The following CTSS variants were observed in gnomAD, a reference collection of about 807,000 sequenced individuals.
CTSS encodes cathepsin S.
In CTSS, 15 loss-of-function variants were observed where a neutral mutation model predicts 39.9. The observed-to-expected ratio is 0.38, with a 90% CI of 0.25 to 0.58. CTSS has a LOEUF of 0.58. Among genes scored for constraint, CTSS ranks in the 20% least tolerant of loss-of-function variants. The probability of loss-of-function intolerance (pLI) is 0.70; values close to 1 mark genes in which losing one functional copy is unlikely to be tolerated. For synonymous variants in CTSS, 126 were observed against 138.2 expected (o/e 0.91, Z 0.62); for missense variants, 250 against 398.2 (o/e 0.63, Z 3.17).
At chr1:150,738,977 C>A (rs1332849094) in intron 7 of CTSS, among the ~76,000 whole-genome samples, 1 of 151,792 alleles carries the variant, frequency 6.6e-6, no homozygotes, top group Non-Finnish European at 1.5e-5. Context: ...GGTGGATCAC[C>A]TGAGGACAAG....
At chr1:150,762,093 G>C (rs1297948629) in intron 2 of CTSS, among the ~76,000 whole-genome samples, 1 of 152,106 alleles carries the variant, frequency 6.6e-6, no homozygotes, top group East Asian at 1.9e-4. Context: ...TTTACCAATG[G>C]AATAGGATAT....
At position 150,751,832 on chromosome 1, in the gene CTSS, G is replaced by C. The variant is rs369060138; in HGVS notation, c.576C>G (p.Ile192Met). ...CTGAGTCGATGCCCTTGTTATCAAT[G>C]ATGTACTGGAAAGCCGTTGTCATGA... ...GGFMTTAFQY[I>M]IDNKGIDSDA... Residue 192 changes from isoleucine to methionine, a missense_variant, in exon 5 of 8, where the codon ATC becomes ATG. Ile to Met is a conservative substitution (Grantham distance 10). Coordinates refer to ENST00000368985, the MANE Select transcript of CTSS (RefSeq NM_004079.5). The C allele has an allele frequency of 3.7e-6, 6 of 1,614,050 alleles. No homozygotes were observed. The highest frequency in any genetic ancestry group is 2.7e-5 in the African/African-American group (2 of 74,918).
chr1:150,733,306 A>G (rs2101907371), intron 7 of CTSS, among the ~76,000 whole-genome samples, 161 bp from the exon 8 acceptor site: 1 of 152,360 alleles, frequency 6.6e-6, no homozygotes, highest in East Asian at 1.9e-4. Flanking sequence ...GATTTCAGGT[A>G]ACTCAAAATA....
chr1:150,763,647 T>C (rs1653307999), intron 2 of CTSS, among the ~76,000 whole-genome samples: 1 of 152,104 alleles, frequency 6.6e-6, no homozygotes, highest in African/African-American at 2.4e-5. Flanking sequence ...CAAAATAATA[T>C]GTCAAATAAA....
At chr1:150,734,691 G>A (rs888953543) in intron 7 of CTSS, among the ~76,000 whole-genome samples, 2 of 151,992 alleles carry the variant, frequency 1.3e-5, no homozygotes, top group South Asian at 2.1e-4. Flanking sequence ...TCACCATTAT[G>A]TTGTAAAAGA....
chr1:150,748,643 A>G (rs1652943057), intron 6 of CTSS, among the ~76,000 whole-genome samples: 1 of 150,214 alleles, frequency 6.7e-6, no homozygotes, highest in East Asian at 2.0e-4. Context: ...TACAGGTGGT[A>G]TGATCATAGC....
chr1:150,754,762 C>T lies in CTSS; in HGVS notation c.399+239G>A, dbSNP rs587748532. 5.9e-5 allele frequency among the ~76,000 whole-genome samples: 9 copies of T among 152,078 alleles called. 1 individual carries two copies. In the South Asian group the frequency reaches 1.5e-3, roughly 25 times the overall value. ...TTTTTTTCTGGATATTTTTGATCCACGGTTGGTGGAATCTGCAGATGTGGA... is the reference window on the plus strand; with the variant it reads ...TTTTTTTCTGGATATTTTTGATCCATGGTTGGTGGAATCTGCAGATGTGGA... On this transcript the variant is annotated intron_variant, in intron 4 of 7. Coordinates refer to ENST00000368985, the MANE Select transcript of CTSS (RefSeq NM_004079.5).
intron 1 of CTSS, 107 bp from the exon 2 acceptor site, chr1:150,764,871 A>G: frequency 1.6e-6 from 2 of 1,283,296 alleles, no homozygotes; most frequent in South Asian, 2.8e-5. Flanking sequence ...AAAGGGACAG[A>G]CTATTATAAA....
Position 150,732,857 on chromosome 1 carries a change from G to T in CTSS, c.*189C>A. ...CTCCTGGCCTCAAGTTGATATGCCT[G>T]CCTTGGCCTCCCAAGTACTGGGATT... On this transcript the variant is annotated 3_prime_UTR_variant, in exon 8 of 8. Transcript: ENST00000368985. 2.4e-6 allele frequency: 1 copy of T among 412,376 alleles called. No homozygotes were observed. Among genetic ancestry groups the T allele is most frequent in the South Asian group, 3.2e-5 (1 of 31,452 alleles). The allele number at this position is 412,376 out of a possible 1,614,324, so 25.5% of individuals were successfully genotyped here. A position where few individuals can be genotyped will look rare whatever the true frequency, so the allele number is the denominator to read the frequency against.
chr1:150,749,594 C>T (rs1394660194), intron 6 of CTSS, among the ~76,000 whole-genome samples: 1 of 147,584 alleles, frequency 6.8e-6, no homozygotes, highest in Non-Finnish European at 1.5e-5. Context: ...CCCGCCCCGC[C>T]CCACCTTGCC....
At position 150,751,969 on chromosome 1, in the gene CTSS, C is replaced by T. The variant is rs1363624551; in HGVS notation, c.439G>A (p.Ala147Thr). 1.9e-6 allele frequency: 3 copies of T among 1,614,126 alleles called. No homozygotes were observed. Among genetic ancestry groups the T allele is most frequent in the East Asian group, 2.2e-5 (1 of 44,884 alleles). Reference sequence around the variant, plus strand: ...TTCAGCTTCAGCTGTGCTTCCAGGGCCCCCACAGCACTGAAAGCCCAGCAA... The same window carrying T: ...TTCAGCTTCAGCTGTGCTTCCAGGGTCCCCACAGCACTGAAAGCCCAGCAA... Reference protein sequence around the residue: ...GACWAFSAVGALEAQLKLKTG... With the variant: ...GACWAFSAVGTLEAQLKLKTG... Residue 147 changes from alanine to threonine, a missense_variant, in exon 5 of 8, where the codon GCC becomes ACC. Transcript: ENST00000368985.
intron 2 of CTSS, among the ~76,000 whole-genome samples, chr1:150,758,860 T>A (rs1010026958): frequency 6.6e-6 from 1 of 151,248 alleles, no homozygotes. Context: ...TTTTTTTTTT[T>A]TTTTTTTAGA....
At chr1:150,741,452 G>T (rs1056431422) in intron 7 of CTSS, among the ~76,000 whole-genome samples, 1 of 152,100 alleles carries the variant, frequency 6.6e-6, no homozygotes, top group African/African-American at 2.4e-5. Flanking sequence ...TATACCTATT[G>T]TTAGGCATTT....
In CTSS at chr1:150,764,704, T is replaced by C; in HGVS notation, c.60A>G (p.Lys20=). 1 of 1,614,172 alleles carries C rather than the reference T, an allele frequency of 6.2e-7. No homozygotes were observed. Among genetic ancestry groups the C allele is most frequent in the Non-Finnish European group, 8.5e-7 (1 of 1,180,012 alleles). The change falls in exon 2 of 8, where the codon AAA becomes AAG. Residue 20 remains lysine, a synonymous_variant. Coordinates refer to ENST00000368985, the MANE Select transcript of CTSS (RefSeq NM_004079.5). ...GCCAGTGGTGATCCAGGGTAGGATC[T>C]TTATGCAACTGTGCCACTGCAGAGG... ...VCSSAVAQLH[K]DPTLDHHWHL...
chr1:150,756,167 A>G (rs1469787724), intron 3 of CTSS, among the ~76,000 whole-genome samples: 1 of 152,138 alleles, frequency 6.6e-6, no homozygotes, highest in Non-Finnish European at 1.5e-5. Context: ...GCCTAGGCCT[A>G]TACAAGGTCA....
chr1:150,752,508 T>C (rs1653027970), intron 4 of CTSS, among the ~76,000 whole-genome samples: 1 of 152,156 alleles, frequency 6.6e-6, no homozygotes, highest in Admixed American at 6.5e-5. Flanking sequence ...CAAGGAGGCA[T>C]AAACAAACAA....
chr1:150,761,780 A>G (rs945314498), intron 2 of CTSS, among the ~76,000 whole-genome samples: 1 of 152,138 alleles, frequency 6.6e-6, no homozygotes, highest in Non-Finnish European at 1.5e-5. Context: ...TTAAGATAAA[A>G]TAAATAAATG....
chr1:150,751,847 C>T lies in CTSS; in HGVS notation c.561G>A (p.Thr187=). The change falls in exon 5 of 8, where the codon ACG becomes ACA. Residue 187 remains threonine (T), a synonymous_variant. Transcript: ENST00000368985. ...NKGCNGGFMT[T]AFQYIIDNKG... is the part of the protein sequence containing the mutation. ...TGTTATCAATGATGTACTGGAAAGC[C>T]GTTGTCATGAAGCCACCATTGCAGC... 1.9e-6 allele frequency: 3 copies of T among 1,614,132 alleles called. No individual in the cohort carries two copies. Among genetic ancestry groups the T allele is most frequent in the Non-Finnish European group, 2.5e-6 (3 of 1,180,018 alleles).
At chr1:150,757,121 G>A (rs1244207720) in intron 3 of CTSS, among the ~76,000 whole-genome samples, 1 of 152,174 alleles carries the variant, frequency 6.6e-6, no homozygotes, top group Non-Finnish European at 1.5e-5. Flanking sequence ...ACCAACACAG[G>A]TTCCATTAGG....
Sources: gnomAD v4.1 joint callset for allele counts (sites outside exome capture counted in the v4.1 genomes callset) on GRCh38, gnomAD v4.1.1 for gene constraint, MANE v1.5 for transcripts, NCBI Gene and HGNC (gene_info 2026-07-23, HGNC 2026-07-21) for gene names.